The following DIS3L2 variants were observed in gnomAD, a reference collection of about 807,000 sequenced individuals.
The protein encoded by DIS3L2 is DIS3 like 3'-5' exoribonuclease 2, also known as DIS3-like exonuclease 2.
Under a neutral mutation model 97.5 loss-of-function variants are expected in DIS3L2, and 34 were observed. The observed-to-expected ratio is 0.35, with a 90% CI of 0.27 to 0.46. The LOEUF (loss-of-function observed/expected upper bound fraction) is 0.46. DIS3L2 is among the 20% of genes least tolerant of loss of function. DIS3L2 has a pLI of 1.00. For missense variants in DIS3L2, 1,038 were observed against 1,146.0 expected (o/e 0.91, Z 1.36); for synonymous variants, 435 against 445.2 (o/e 0.98, Z 0.29).
rs569674256 is a variant in DIS3L2, at chr2:232,165,732, T to C, written c.1124+2100T>C. On this transcript the variant is annotated intron_variant, in intron 9 of 20. Transcript: ENST00000325385. Reference sequence around the variant, plus strand: ...TTGTAGAGATGGGGTCTTGCTATGTTGAGCAGGCTGGTTTTGAACTCCTGG... The same window carrying C: ...TTGTAGAGATGGGGTCTTGCTATGTCGAGCAGGCTGGTTTTGAACTCCTGG... Among the ~76,000 whole-genome samples, 3 of 152,294 alleles carry C rather than the reference T, an allele frequency of 2.0e-5. No homozygotes were observed. In the South Asian group the frequency reaches 6.2e-4, roughly 32 times the overall value.
At chr2:232,288,019 G>A (rs763515641) in intron 13 of DIS3L2, among the ~76,000 whole-genome samples, 1 of 152,192 alleles carries the variant, frequency 6.6e-6, no homozygotes, top group Non-Finnish European at 1.5e-5. Flanking sequence ...GGATGGTAGT[G>A]GAAAGTGATT....
intron 5 of DIS3L2, among the ~76,000 whole-genome samples, chr2:232,043,904 CTCTTATG>C (rs1695172000): frequency 6.6e-6 from 1 of 152,032 alleles, no homozygotes; most frequent in Non-Finnish European, 1.5e-5. Context: ...CAATAGATTT[CTCTTATG>C]TCTTATAGAA....
intron 6 of DIS3L2, among the ~76,000 whole-genome samples, chr2:232,099,050 C>T (rs534097753): frequency 5.6e-4 from 85 of 152,174 alleles, no homozygotes; most frequent in African/African-American, 1.5e-3. Context: ...CTTTATGATG[C>T]GCATTCTTCA....
At chr2:231,962,027 G>A (rs1692572174) in intron 1 of DIS3L2, among the ~76,000 whole-genome samples, 1 of 152,244 alleles carries the variant, frequency 6.6e-6, no homozygotes, top group Non-Finnish European at 1.5e-5. Flanking sequence ...TAGCGCCGGG[G>A]CCCTTGTAGC....
intron 5 of DIS3L2, among the ~76,000 whole-genome samples, chr2:232,070,587 C>CTTT (rs112525730): frequency 7.2e-6 from 1 of 139,640 alleles, no homozygotes; most frequent in East Asian, 2.1e-4. Context: ...GGTTATGGTT[C>CTTT]TTTTTTTTTT....
At chr2:232,073,054 T>C (rs1696082562) in intron 5 of DIS3L2, among the ~76,000 whole-genome samples, 1 of 152,174 alleles carries the variant, frequency 6.6e-6, no homozygotes. Context: ...TTTTAAATGA[T>C]AGTGCCCATA....
chr2:232,199,285 G>A (rs1195777293), intron 9 of DIS3L2, among the ~76,000 whole-genome samples: 1 of 152,168 alleles, frequency 6.6e-6, no homozygotes, highest in Non-Finnish European at 1.5e-5. Flanking sequence ...CATGTTTGAA[G>A]AGCTGTATGG....
intron 8 of DIS3L2, among the ~76,000 whole-genome samples, chr2:232,157,352 C>T (rs1482612211): frequency 6.6e-6 from 1 of 152,162 alleles, no homozygotes; most frequent in Non-Finnish European, 1.5e-5. Flanking sequence ...GATGCTAAAT[C>T]AGAGCACCAA....
intron 7 of DIS3L2, chr2:232,130,975 T>G (rs957066216): frequency 1.1e-5 from 5 of 435,098 alleles, no homozygotes; most frequent in African/African-American, 6.1e-5. Context: ...GTTATCTTTC[T>G]TGCTTAAACC....
chr2:231,990,217 T>A (rs749868362), intron 1 of DIS3L2, among the ~76,000 whole-genome samples: 3 of 152,160 alleles, frequency 2.0e-5, no homozygotes. Flanking sequence ...AGATGAGGCT[T>A]TTAATTAGTC....
chr2:232,100,273 G>A (rs1187958727), intron 6 of DIS3L2, among the ~76,000 whole-genome samples: 1 of 150,774 alleles, frequency 6.6e-6, no homozygotes, highest in East Asian at 1.9e-4. Flanking sequence ...CTGACCTGAA[G>A]TGATCTGCCC....
intron 10 of DIS3L2, among the ~76,000 whole-genome samples, chr2:232,220,160 T>TAAGC (rs1197014897): frequency 1.5e-5 from 2 of 135,420 alleles, no homozygotes; most frequent in African/African-American, 5.6e-5. Flanking sequence ...AATAAATAAA[T>TAAGC]AAGCTGGGCA....
chr2:232,338,732 T>C (rs533502796), downstream of DIS3L2, among the ~76,000 whole-genome samples: 38 of 152,372 alleles, frequency 2.5e-4, 1 homozygote, highest in South Asian at 7.2e-3. Context: ...CATGGTTGAC[T>C]GAATCCGGTG....
intron 5 of DIS3L2, among the ~76,000 whole-genome samples, chr2:232,067,643 C>T (rs72989665): frequency 0.011 from 1,714 of 152,310 alleles, 19 homozygotes; most frequent in Non-Finnish European, 0.016. Flanking sequence ...ACTTAGGTTA[C>T]AGCTGCTTGC....
rs183432895 is a variant in DIS3L2 at position 232,166,882 on chromosome 2, A to C, written c.1124+3250A>C. 3.7e-3 allele frequency among the ~76,000 whole-genome samples: 560 copies of C among 152,180 alleles called. 2 individuals carry two copies. Among genetic ancestry groups the C allele is most frequent in the Non-Finnish European group, 5.9e-3 (401 of 68,010 alleles). On this transcript the variant is annotated intron_variant, in intron 9 of 20. Coordinates refer to ENST00000325385, the MANE Select transcript of DIS3L2 (RefSeq NM_152383.5). ...CTAAAAATACAAAAATTGGCTGTGC[A>C]TGGTGGCAGGTGCCTATAATCCCAG...
intron 5 of DIS3L2, among the ~76,000 whole-genome samples, chr2:232,082,450 A>G (rs1247343072): frequency 1.3e-5 from 2 of 152,160 alleles, no homozygotes; most frequent in Non-Finnish European, 2.9e-5. Context: ...CAGCAGGGGC[A>G]TTAGATTCTC....
intron 5 of DIS3L2, among the ~76,000 whole-genome samples, chr2:232,057,178 G>C (rs1273188937): frequency 1.3e-5 from 2 of 152,070 alleles, no homozygotes; most frequent in African/African-American, 4.8e-5. Context: ...TAAAACTATA[G>C]TTTTATCAGG....
chr2:232,298,634 G>A (rs976017785), intron 13 of DIS3L2, among the ~76,000 whole-genome samples: 2 of 152,028 alleles, frequency 1.3e-5, no homozygotes, highest in African/African-American at 2.4e-5. Flanking sequence ...GAGAAAAATC[G>A]TCCAGTATCT....
intron 16 of DIS3L2, among the ~76,000 whole-genome samples, chr2:232,333,168 CCGCTGT>C (rs1641717484): frequency 1.8e-5 from 2 of 112,190 alleles, no homozygotes; most frequent in Admixed American, 1.8e-4. Context: ...TTCTCCTCCT[CCGCTGT>C]CGCCTCCTCC....
Sources: gnomAD v4.1 joint callset for allele counts (sites outside exome capture counted in the v4.1 genomes callset) on GRCh38, gnomAD v4.1.1 for gene constraint, MANE v1.5 for transcripts, NCBI Gene and HGNC (gene_info 2026-07-23, HGNC 2026-07-21) for gene names.